TRPM3: variants seen among roughly 807,000 people sequenced by gnomAD.
TRPM3 encodes transient receptor potential cation channel subfamily M member 3, also known as long transient receptor potential channel 3.
Under a neutral mutation model 181.2 loss-of-function variants are expected in TRPM3, and 77 were observed. The observed-to-expected ratio is 0.42, with a 90% CI of 0.35 to 0.51. The LOEUF is 0.51. TRPM3 is among the 20% of genes least tolerant of loss of function. TRPM3 has a pLI of 0.01. For missense variants in TRPM3, 1,759 were observed against 2,196.7 expected, an observed-to-expected ratio of 0.80 and a Z score of 3.98; for synonymous variants, 745 against 796.4, an observed-to-expected ratio of 0.94 and a Z score of 1.09.
chr9:70,927,608 C>A (rs1316857439), intron 1 of TRPM3, among the ~76,000 whole-genome samples: 1 of 152,154 alleles, frequency 6.6e-6, no homozygotes, highest in Non-Finnish European at 1.5e-5. Flanking sequence ...TTGCTATTTG[C>A]AAAGACTTTC....
intron 1 of TRPM3, among the ~76,000 whole-genome samples, chr9:71,015,396 T>G (rs558152870): frequency 6.6e-6 from 1 of 152,296 alleles, no homozygotes; most frequent in Non-Finnish European, 1.5e-5. Context: ...AGCAGTGAAT[T>G]ATAATTAACA....
At chr9:71,415,754 A>G (rs570179249) in intron 1 of TRPM3, among the ~76,000 whole-genome samples, 1 of 152,144 alleles carries the variant, frequency 6.6e-6, no homozygotes, top group African/African-American at 2.4e-5. Flanking sequence ...TGAGCATTTA[A>G]GAGACTCTTA....
chr9:70,858,358 T>C (rs1458699295), intron 3 of TRPM3, among the ~76,000 whole-genome samples: 1 of 152,150 alleles, frequency 6.6e-6, no homozygotes, highest in Non-Finnish European at 1.5e-5. Flanking sequence ...TGATTTTCCC[T>C]TTCTACAAAC....
chr9:70,674,909 G>A (rs1291304997), intron 9 of TRPM3, among the ~76,000 whole-genome samples: 1 of 151,098 alleles, frequency 6.6e-6, no homozygotes, highest in African/African-American at 2.4e-5. Context: ...TTAAGTTTAG[G>A]TTTTCTTTTT....
chr9:70,656,933 T>TG (rs35364285), intron 9 of TRPM3, among the ~76,000 whole-genome samples: 58,231 of 151,452 alleles, frequency 0.38, 11,696 homozygotes, highest in African/African-American at 0.49. Flanking sequence ...AAAGTGTTTT[T>TG]TTTTTGGTAA....
At chr9:70,671,855 C>T (rs1264174404) in intron 9 of TRPM3, among the ~76,000 whole-genome samples, 3 of 152,110 alleles carry the variant, frequency 2.0e-5, no homozygotes, top group Non-Finnish European at 4.4e-5. Flanking sequence ...TCCTCCGTTA[C>T]CCACTTCAAG....
chr9:71,179,398 C>A (rs1032342041), intron 1 of TRPM3, among the ~76,000 whole-genome samples: 1 of 152,116 alleles, frequency 6.6e-6, no homozygotes, highest in African/African-American at 2.4e-5. Flanking sequence ...AGGTGTACAC[C>A]ACTTCCAAGG....
At chr9:71,253,178 A>C (rs181868079) in intron 1 of TRPM3, among the ~76,000 whole-genome samples, 1 of 152,184 alleles carries the variant, frequency 6.6e-6, no homozygotes, top group Admixed American at 6.5e-5. Flanking sequence ...TAATTTTCAC[A>C]TTTCTCACAG....
At chr9:70,798,137 C>T (rs1041311324) in intron 6 of TRPM3, among the ~76,000 whole-genome samples, 6 of 152,328 alleles carry the variant, frequency 3.9e-5, no homozygotes, top group South Asian at 2.1e-4. Flanking sequence ...TCACTGCCGC[C>T]TCGACTTCCC....
At chr9:70,762,728 C>T (rs1191423171) in intron 7 of TRPM3, among the ~76,000 whole-genome samples, 1 of 152,174 alleles carries the variant, frequency 6.6e-6, no homozygotes, top group African/African-American at 2.4e-5. Flanking sequence ...GGGATTTGTT[C>T]TATTTCACAG....
chr9:71,326,624 T>A (rs2089702712), intron 1 of TRPM3, among the ~76,000 whole-genome samples: 1 of 152,190 alleles, frequency 6.6e-6, no homozygotes, highest in East Asian at 1.9e-4. Flanking sequence ...ACTGGTCTTT[T>A]AATCATGCAA....
intron 1 of TRPM3, among the ~76,000 whole-genome samples, chr9:70,991,555 G>GTTTTTTTTTTTTTTTTTTTTTTTT (rs56157123): frequency 1.6e-5 from 2 of 124,536 alleles, no homozygotes; most frequent in African/African-American, 3.0e-5. Flanking sequence ...CTATGTGTCT[G>GTTTTTTTTTTTTTTTTTTTTTTTT]TTTTTTTTTT....
At chr9:71,217,241 C>T (rs567427754) in intron 1 of TRPM3, among the ~76,000 whole-genome samples, 30 of 151,774 alleles carry the variant, frequency 2.0e-4, no homozygotes, top group African/African-American at 7.0e-4. Flanking sequence ...TGAGCCACCG[C>T]GCCCGGCCCA....
chr9:71,383,542 A>G (rs1181005231), intron 1 of TRPM3, among the ~76,000 whole-genome samples: 1 of 152,182 alleles, frequency 6.6e-6, no homozygotes, highest in Non-Finnish European at 1.5e-5. Context: ...AAAAGGCAAC[A>G]GCCCCTGTCA....
chr9:71,376,500 ATCTT>A (rs1382815050), intron 1 of TRPM3, among the ~76,000 whole-genome samples: 1 of 152,054 alleles, frequency 6.6e-6, no homozygotes, highest in Admixed American at 6.6e-5. Context: ...ATGCCTTAAT[ATCTT>A]TCTTTCCTAG....
At chr9:71,355,103 C>A (rs1463849486) in intron 1 of TRPM3, among the ~76,000 whole-genome samples, 1 of 152,188 alleles carries the variant, frequency 6.6e-6, no homozygotes, top group East Asian at 1.9e-4. Flanking sequence ...GTACCCATTG[C>A]CATATGTTTT....
chr9:71,306,093 G>A (rs548254595), intron 1 of TRPM3, among the ~76,000 whole-genome samples: 2 of 152,186 alleles, frequency 1.3e-5, no homozygotes, highest in East Asian at 3.9e-4. Flanking sequence ...TATACACCTT[G>A]TTTTACATGC....
At chr9:71,395,203 A>C (rs1034155086) in intron 1 of TRPM3, among the ~76,000 whole-genome samples, 4 of 152,180 alleles carry the variant, frequency 2.6e-5, no homozygotes, top group South Asian at 2.1e-4. Flanking sequence ...CTTCTCAATG[A>C]AATTTCCCCC....
chr9:70,840,108 G>C (rs560813250), intron 5 of TRPM3, among the ~76,000 whole-genome samples: 1 of 152,104 alleles, frequency 6.6e-6, no homozygotes, highest in East Asian at 1.9e-4. Context: ...TATCATATTG[G>C]AATAGTGAAC....
Sources: allele counts gnomAD v4.1 joint callset (sites outside exome capture counted in the v4.1 genomes callset), GRCh38; gene constraint gnomAD v4.1.1; transcripts MANE v1.5; gene names NCBI Gene and HGNC (gene_info 2026-07-23, HGNC 2026-07-21).